Variants in STK4 observed in about 807,000 individuals in gnomAD.
STK4 encodes the protein serine/threonine-protein kinase 4.
In STK4, 30 loss-of-function variants were observed where a neutral mutation model predicts 64.9. The observed-to-expected ratio is 0.46, with a 90% confidence interval of 0.35 to 0.63. STK4 has a LOEUF of 0.63. STK4 is among the 20% of genes least tolerant of loss of function. The probability of loss-of-function intolerance (pLI) is 0.01; values close to 1 mark genes in which losing one functional copy is unlikely to be tolerated. For synonymous variants in STK4, 177 were observed against 199.0 expected (o/e 0.89, Z 0.93); for missense variants, 466 against 598.5 (o/e 0.78, Z 2.31).
intron 10 of STK4, among the ~76,000 whole-genome samples, chr20:45,051,799 C>G (rs1403244406): frequency 6.6e-6 from 1 of 152,120 alleles, no homozygotes; most frequent in East Asian, 1.9e-4. Flanking sequence ...ACAGATTATG[C>G]CATTGTGGTT....
chr20:45,013,522 G>A (rs187532163), intron 9 of STK4, among the ~76,000 whole-genome samples: 77 of 151,966 alleles, frequency 5.1e-4, no homozygotes, highest in African/African-American at 1.8e-3. Context: ...TGAGTTATTC[G>A]GAAGTGTTTT....
intron 1 of STK4, chr20:44,967,053 TG>T: frequency 5.4e-6 from 4 of 736,714 alleles, no homozygotes; most frequent in Non-Finnish European, 6.6e-6. Flanking sequence ...AGGGGTGCGG[TG>T]GGGGGATCTG....
intron 9 of STK4, among the ~76,000 whole-genome samples, chr20:45,011,147 T>G (rs2068037723): frequency 6.6e-6 from 1 of 152,168 alleles, no homozygotes; most frequent in African/African-American, 2.4e-5. Flanking sequence ...TGTTGTTGTT[T>G]TTGTTTTTGA....
intron 2 of STK4, chr20:44,973,296 G>GT (rs1361997200): frequency 6.6e-6 from 1 of 152,030 alleles, no homozygotes; most frequent in African/African-American, 2.4e-5. Context: ...TCGTCTTTTT[G>GT]TAAGTTGGAA....
intron 9 of STK4, among the ~76,000 whole-genome samples, chr20:45,004,019 C>T (rs2067889549): frequency 1.3e-5 from 2 of 151,910 alleles, no homozygotes; most frequent in Non-Finnish European, 2.9e-5. Context: ...TTCCCGGCCT[C>T]TAAAAATGTC....
chr20:45,058,620 A>G (rs1978707035), intron 10 of STK4, among the ~76,000 whole-genome samples: 1 of 152,162 alleles, frequency 6.6e-6, no homozygotes, highest in African/African-American at 2.4e-5. Flanking sequence ...TGGCAGGAAG[A>G]GAGAGAAGCA....
intron 10 of STK4, among the ~76,000 whole-genome samples, chr20:45,073,106 T>C (rs888060350): frequency 2.0e-5 from 3 of 152,224 alleles, no homozygotes; most frequent in African/African-American, 7.2e-5. Context: ...CATTCTTAAC[T>C]ACCAGTTACA....
intron 9 of STK4, among the ~76,000 whole-genome samples, chr20:45,023,210 G>A (rs1037253589): frequency 6.6e-6 from 1 of 152,202 alleles, no homozygotes; most frequent in Non-Finnish European, 1.5e-5. Context: ...AGCAAATAAT[G>A]TATTTAATTC....
Position 45,020,816 on chromosome 20 carries a change from C to CT in STK4, c.1148-4144dup, listed in dbSNP as rs35088723. On this transcript the variant is annotated intron_variant, in intron 9 of 10. Transcript: ENST00000372806. ...TTATATTATAGTAAAATATACAAGA[C>CT]TTTTTTTTTTTTTGAGACAGGGTCT... Among the ~76,000 whole-genome samples, 881 of 144,906 alleles carry CT rather than the reference C, an allele frequency of 6.1e-3. 8 individuals are homozygous for CT. The highest frequency in any genetic ancestry group is 0.018 in the African/African-American group (707 of 39,344).
At chr20:44,982,360 C>A (rs560300447) in intron 4 of STK4, among the ~76,000 whole-genome samples, 64 of 151,182 alleles carry the variant, frequency 4.2e-4, no homozygotes, top group African/African-American at 1.5e-3. Flanking sequence ...GTTTCGAACT[C>A]CTGGCCTCAA....
intron 10 of STK4, among the ~76,000 whole-genome samples, chr20:45,070,087 G>A (rs1979922532): frequency 6.6e-6 from 1 of 152,202 alleles, no homozygotes; most frequent in Non-Finnish European, 1.5e-5. Context: ...GTAGGCCACT[G>A]AGGCTGGAAA....
At chr20:45,045,705 CAATTT>C (rs1435977568) in intron 10 of STK4, among the ~76,000 whole-genome samples, 5 of 151,938 alleles carry the variant, frequency 3.3e-5, no homozygotes. Context: ...CTTATTGGAG[CAATTT>C]AATTTGTACT....
rs6031973 is a variant in STK4, at chr20:45,076,322, C to G, written c.*1146C>G. The G allele has an allele frequency of 0.44, 66,482 of 152,064 alleles. 15,161 individuals are homozygous for G. The highest frequency in any genetic ancestry group is 0.54 in the Middle Eastern group (159 of 294). 9.4% of individuals were successfully genotyped at this position (152,064 alleles called of 1,614,324 possible). A position where few individuals can be genotyped will look rare whatever the true frequency, so the allele number is the denominator to read the frequency against. On this transcript the variant is annotated 3_prime_UTR_variant, in exon 11 of 11. Transcript: ENST00000372806. The surrounding 1 kb of genome is among the most constrained non-coding windows in gnomAD (Gnocchi z 4.0). ...TCTGATCCTCTTGTACGGATGATCGCAAAACTGAGGTGTAGAGAGGGGAAT... is the reference window on the plus strand; with the variant it reads ...TCTGATCCTCTTGTACGGATGATCGGAAAACTGAGGTGTAGAGAGGGGAAT...
intron 9 of STK4, among the ~76,000 whole-genome samples, chr20:45,006,756 C>A (rs887177823): frequency 1.3e-5 from 2 of 152,114 alleles, no homozygotes; most frequent in African/African-American, 4.8e-5. Context: ...TTTTTTCCAC[C>A]TCTTACCTAC....
chr20:44,990,083 G>C (rs992676920), intron 5 of STK4, among the ~76,000 whole-genome samples: 2 of 152,166 alleles, frequency 1.3e-5, no homozygotes, highest in Non-Finnish European at 2.9e-5. Context: ...TGCAGAAAAG[G>C]CCGTTGGGAT....
At chr20:45,016,197 T>A (rs2068139704) in intron 9 of STK4, among the ~76,000 whole-genome samples, 1 of 152,210 alleles carries the variant, frequency 6.6e-6, no homozygotes, top group South Asian at 2.1e-4. Context: ...AGATGATACA[T>A]GTTTTGAGAA....
intron 10 of STK4, among the ~76,000 whole-genome samples, chr20:45,074,153 G>GC (rs1340325502): frequency 1.3e-5 from 2 of 152,156 alleles, no homozygotes; most frequent in Non-Finnish European, 2.9e-5. Context: ...GAGACATTGG[G>GC]CAGGTTACTT....
At position 45,001,100 on chromosome 20, in the gene STK4, T is replaced by C. The variant is rs1601239326; in HGVS notation, c.961-67T>C. On this transcript the variant is annotated intron_variant, in intron 8 of 10. Transcript: ENST00000372806. ...GAAATATTTTCACTAAGACAGGTAGTAGTTATTCAGAAAACTCAAAGTCTT... is the reference window on the plus strand; with the variant it reads ...GAAATATTTTCACTAAGACAGGTAGCAGTTATTCAGAAAACTCAAAGTCTT... The C allele has an allele frequency of 2.7e-6, 4 of 1,493,752 alleles. No individual in the cohort carries two copies. In the East Asian group the frequency reaches 9.3e-5, roughly 35 times the overall value. 92.5% of individuals were successfully genotyped at this position (1,493,752 alleles called of 1,614,324 possible).
intron 9 of STK4, among the ~76,000 whole-genome samples, chr20:45,009,095 C>CA: frequency 6.6e-6 from 1 of 152,218 alleles, no homozygotes; most frequent in Admixed American, 6.5e-5. Flanking sequence ...AGGACTTGGC[C>CA]AAAAACTTTC....
Sources: allele counts gnomAD v4.1 joint callset (sites outside exome capture counted in the v4.1 genomes callset), GRCh38; gene constraint gnomAD v4.1.1; non-coding constraint Gnocchi (gnomAD v3.1); transcripts MANE v1.5; gene names NCBI Gene and HGNC (gene_info 2026-07-23, HGNC 2026-07-21).